ARSB: variants seen among roughly 807,000 people sequenced by gnomAD.
ARSB encodes arylsulfatase B.
A neutral mutation model predicts 50.9 loss-of-function variants in ARSB; 41 were observed. That is an observed-to-expected ratio of 0.81 (90% confidence interval 0.63 to 1.04). The LOEUF is 1.04. ARSB is among the 50% of genes least tolerant of loss of function. The probability of loss-of-function intolerance (pLI) is 0.00; values close to 1 mark genes in which losing one functional copy is unlikely to be tolerated. For synonymous variants in ARSB, 269 were observed against 284.8 expected (o/e 0.94, Z 0.56); for missense variants, 672 against 693.3 (o/e 0.97, Z 0.35).
chr5:78,940,557 C>G (rs1170822203), intron 4 of ARSB, among the ~76,000 whole-genome samples: 1 of 152,174 alleles, frequency 6.6e-6, no homozygotes, highest in Admixed American at 6.5e-5. Flanking sequence ...TTCCCCATTT[C>G]TTGTTTCTGT....
rs559167021 is a variant in ARSB at position 78,783,783 on chromosome 5, T to C, written c.1214-1809A>G. On this transcript the variant is annotated intron_variant, in intron 6 of 7. Transcript: ENST00000264914. ...AATTTAACTATCTCATCTATACTTA[T>C]ATTTATACACATTTTTTTCTTAAGA... Among the ~76,000 whole-genome samples, 5 of 152,262 alleles carry C rather than the reference T, an allele frequency of 3.3e-5. No individual in the cohort carries two copies. The East Asian group carries it at 9.6e-4, about 29-fold the overall frequency.
chr5:78,937,732 G>A (rs190047867), intron 4 of ARSB, among the ~76,000 whole-genome samples: 5 of 151,886 alleles, frequency 3.3e-5, no homozygotes, highest in East Asian at 1.9e-4. Flanking sequence ...CCTTTGGTGC[G>A]GGGTGGGGGT....
chr5:78,877,196 G>A (rs542181533), intron 5 of ARSB, among the ~76,000 whole-genome samples: 1 of 152,226 alleles, frequency 6.6e-6, no homozygotes, highest in South Asian at 2.1e-4. Context: ...AGCCAGCCTT[G>A]AAAAACTCAC....
At chr5:78,823,394 G>A (rs1432105082) in intron 6 of ARSB, among the ~76,000 whole-genome samples, 1 of 152,202 alleles carries the variant, frequency 6.6e-6, no homozygotes, top group Non-Finnish European at 1.5e-5. Flanking sequence ...GCACAAAGTA[G>A]TGGCACTCCT....
intron 6 of ARSB, among the ~76,000 whole-genome samples, chr5:78,784,395 A>G (rs899732450): frequency 7.2e-5 from 11 of 152,246 alleles, no homozygotes; most frequent in African/African-American, 1.9e-4. Flanking sequence ...CACTATTTAT[A>G]ATAGTCAAGA....
chr5:78,883,140 G>A (rs337832), intron 5 of ARSB: 133,721 of 152,106 alleles, frequency 0.88, 60,941 homozygotes, highest in East Asian at 1. Context: ...TAGTACTCAC[G>A]CTTGGGGAAA....
rs911921430 is a variant in ARSB at position 78,911,652 on chromosome 5, G to A, written c.899-25825C>T. ...TTAGAAACTTGAAAGGGGGCTTTCC[G>A]GGTGATTTCCAAGTACAGAGAAGAT... is the stretch of plus-strand genomic sequence containing the variant. On this transcript the variant is annotated intron_variant, in intron 4 of 7. Coordinates refer to ENST00000264914, the MANE Select transcript of ARSB (RefSeq NM_000046.5). 7.5e-5 allele frequency among the ~76,000 whole-genome samples: 11 copies of A among 147,432 alleles called. No homozygotes were observed. In the East Asian group the frequency reaches 8.1e-4, roughly 11 times the overall value.
At chr5:78,929,967 G>A (rs555495817) in intron 4 of ARSB, among the ~76,000 whole-genome samples, 554 of 152,132 alleles carry the variant, frequency 3.6e-3, no homozygotes, top group Non-Finnish European at 5.2e-3. Flanking sequence ...CCTCACCTGG[G>A]ACCAGCCTGA....
intron 4 of ARSB, among the ~76,000 whole-genome samples, chr5:78,911,983 G>T (rs781318897): frequency 1.3e-5 from 2 of 152,158 alleles, no homozygotes; most frequent in Non-Finnish European, 2.9e-5. Flanking sequence ...TATTTGGGGA[G>T]AATCTAAAAT....
intron 4 of ARSB, among the ~76,000 whole-genome samples, chr5:78,924,025 T>C (rs531836451): frequency 6.6e-5 from 10 of 152,162 alleles, no homozygotes; most frequent in Non-Finnish European, 1.3e-4. Context: ...TTCCTGGACC[T>C]ACGGAACCTA....
chr5:78,890,940 G>T (rs897525268), intron 4 of ARSB, among the ~76,000 whole-genome samples: 1 of 152,166 alleles, frequency 6.6e-6, no homozygotes, highest in Non-Finnish European at 1.5e-5. Context: ...TCTCTGCTCT[G>T]TATTTCTGCT....
rs748253272 is a variant in ARSB, at chr5:78,984,931, G to A, written c.312+6C>T. 3.7e-6 allele frequency: 5 copies of A among 1,366,004 alleles called. No individual in the cohort carries two copies. The highest frequency in any genetic ancestry group is 3.8e-6 in the Non-Finnish European group (4 of 1,058,808). The allele number at this position is 1,366,004 out of a possible 1,614,324, so 84.6% of individuals were successfully genotyped here. ...GGGCGGCGCGGGCGGCGGGGGCGCC[G>A]CGTACCTGGTAGCGGCCAGTGAGCA... is the stretch of plus-strand genomic sequence containing the variant. On this transcript the variant is annotated splice_donor_region_variant and intron_variant, in intron 1 of 7. Coordinates refer to ENST00000264914, the MANE Select transcript of ARSB (RefSeq NM_000046.5).
intron 4 of ARSB, among the ~76,000 whole-genome samples, chr5:78,955,062 T>C (rs1215720265): frequency 1.3e-5 from 2 of 152,162 alleles, no homozygotes; most frequent in South Asian, 2.1e-4. Context: ...TTAGTGAACA[T>C]GTGTTTTCAA....
intron 4 of ARSB, among the ~76,000 whole-genome samples, chr5:78,931,589 T>G (rs1348238119): frequency 6.6e-6 from 1 of 152,082 alleles, no homozygotes; most frequent in Non-Finnish European, 1.5e-5. Flanking sequence ...TCAGCCCATT[T>G]TTACCACTGG....
intron 5 of ARSB, among the ~76,000 whole-genome samples, chr5:78,873,208 T>G (rs1281248026): frequency 1.3e-5 from 2 of 152,084 alleles, no homozygotes; most frequent in Non-Finnish European, 2.9e-5. Flanking sequence ...TCAGAAATTG[T>G]AAAACTCAGA....
chr5:78,913,531 T>C (rs1210368760), intron 4 of ARSB, among the ~76,000 whole-genome samples: 1 of 152,230 alleles, frequency 6.6e-6, no homozygotes, highest in East Asian at 1.9e-4. Flanking sequence ...AACTTACTTA[T>C]TTCTTTTGAT....
intron 1 of ARSB, among the ~76,000 whole-genome samples, chr5:78,982,476 T>C (rs671947): frequency 0.62 from 94,935 of 152,032 alleles, 30,544 homozygotes; most frequent in Admixed American, 0.71. Flanking sequence ...GTCCTTGGGA[T>C]GTTATTTTTA....
chr5:78,940,261 G>C (rs1374961204), intron 4 of ARSB, among the ~76,000 whole-genome samples: 1 of 152,086 alleles, frequency 6.6e-6, no homozygotes, highest in Non-Finnish European at 1.5e-5. Context: ...AGTTTCTTTT[G>C]CTGTGCAGAA....
At chr5:78,943,315 C>T (rs1245065207) in intron 4 of ARSB, among the ~76,000 whole-genome samples, 2 of 152,190 alleles carry the variant, frequency 1.3e-5, no homozygotes, top group Admixed American at 6.5e-5. Flanking sequence ...GAATTTGATC[C>T]TGTCATGATG....
Sources: allele counts gnomAD v4.1 joint callset (sites outside exome capture counted in the v4.1 genomes callset), GRCh38; gene constraint gnomAD v4.1.1; transcripts MANE v1.5; gene names NCBI Gene and HGNC (gene_info 2026-07-23, HGNC 2026-07-21).